The following PLA2G4B variants were observed in gnomAD, a reference collection of about 807,000 sequenced individuals.
PLA2G4B encodes the protein cytosolic phospholipase A2 beta.
Under a neutral mutation model 95.8 loss-of-function variants are expected in PLA2G4B, and 122 were observed. That is an observed-to-expected ratio of 1.27 (90% CI 1.10 to 1.48). PLA2G4B has a LOEUF of 1.48. Among genes scored for constraint, PLA2G4B ranks in the 40% most tolerant of loss-of-function variants. The pLI is 0.00. For missense variants in PLA2G4B, 1,158 were observed against 996.2 expected (o/e 1.16, Z -2.19); for synonymous variants, 518 against 421.5 (o/e 1.23, Z -2.80).
Position 41,847,773 on chromosome 15 carries a change from A to C in PLA2G4B, c.2259A>C (p.Thr753=), listed in dbSNP as rs1435816694. The C allele has an allele frequency of 6.2e-7, 1 of 1,609,802 alleles. No homozygotes were observed. The highest frequency in any genetic ancestry group is 8.5e-7 in the Non-Finnish European group (1 of 1,180,008). ...ACGTGGACAAGCTGCTGCACCTGACACATTACAATGTCTGCAACAACCAGG... is the reference window on the plus strand; with the variant it reads ...ACGTGGACAAGCTGCTGCACCTGACCCATTACAATGTCTGCAACAACCAGG... ...QEDVDKLLHL[T]HYNVCNNQEQ... Residue 753 remains threonine, a synonymous_variant, in exon 20 of 20, where the codon ACA becomes ACC. Coordinates refer to ENST00000458483, the MANE Select transcript of PLA2G4B (RefSeq NM_001114633.2).
At chr15:41,846,163 A>C in intron 16 of PLA2G4B, 40 bp from the exon 17 acceptor site, 1 of 1,598,532 alleles carries the variant, frequency 6.3e-7, no homozygotes, top group Non-Finnish European at 8.6e-7. Flanking sequence ...GTGGGGATAA[A>C]GGTGCAGGAG....
At position 41,847,645 on chromosome 15, in the gene PLA2G4B, A is replaced by C. The variant is rs2065592662; in HGVS notation, c.2135-4A>C. The C allele has an allele frequency of 6.2e-7, 1 of 1,613,370 alleles. No homozygotes were observed. Among genetic ancestry groups the C allele is most frequent in the Non-Finnish European group, 8.5e-7 (1 of 1,179,976 alleles). ...CCCCATGCCAGGCTGCACTCTCTCC[A>C]CAGGGGTCCGGCGGACACCCGAGGA... On this transcript the variant is annotated splice_region_variant and splice_polypyrimidine_tract_variant and intron_variant, in intron 19 of 19. Coordinates refer to ENST00000458483, the MANE Select transcript of PLA2G4B (RefSeq NM_001114633.2).
rs201231516 is a variant in PLA2G4B at position 41,846,154 on chromosome 15, T to G, written c.1601-49T>G. ...TCCCCCTCCAGGGTCACCACCAAGG[T>G]GGGGATAAAGGTGCAGGAGTCCCCA... On this transcript the variant is annotated intron_variant, in intron 16 of 19. Transcript: ENST00000458483. 86 of 1,596,210 alleles carry G rather than the reference T, an allele frequency of 5.4e-5. No individual in the cohort carries two copies. The African/African-American group carries it at 9.5e-4, about 18-fold the overall frequency.
chr15:41,846,884 C>A (rs765333512), intron 18 of PLA2G4B, 49 bp downstream of exon 18: 5 of 1,551,674 alleles, frequency 3.2e-6, no homozygotes, highest in South Asian at 1.2e-5. Context: ...TGGCCCCTGT[C>A]CCCTGAAGAG....
In PLA2G4B at chr15:41,841,969, C is replaced by A. The variant is rs371354511; in HGVS notation, c.621+20C>A. On this transcript the variant is annotated intron_variant, in intron 8 of 19. Coordinates refer to ENST00000458483, the MANE Select transcript of PLA2G4B (RefSeq NM_001114633.2). Reference sequence around the variant, plus strand: ...CTGCAGGTAGTGTGCCTCGCTCCCTCGAGGTGGGGCCCCCAGAACTTCCTC... The same window carrying A: ...CTGCAGGTAGTGTGCCTCGCTCCCTAGAGGTGGGGCCCCCAGAACTTCCTC... The A allele has an allele frequency of 6.2e-7, 1 of 1,603,016 alleles. No individual in the cohort carries two copies. Among genetic ancestry groups the A allele is most frequent in the East Asian group, 2.2e-5 (1 of 44,638 alleles).
At chr15:41,842,792 C>T (rs566759879) in intron 10 of PLA2G4B, 16 of 770,002 alleles carry the variant, frequency 2.1e-5, no homozygotes, top group Non-Finnish European at 2.9e-5. Context: ...GTCAGAGGGG[C>T]GAGTGACCGG....
Position 41,840,149 on chromosome 15 carries a change from C to T in PLA2G4B, c.10-9C>T. On this transcript the variant is annotated splice_polypyrimidine_tract_variant and intron_variant, in intron 1 of 19. Transcript: ENST00000458483. ...CCCGTAGCAGGTCTCCCCTCTCCCACCTCTGCAGGCAGAGGTGTCCAGGAC... is the reference window on the plus strand; with the variant it reads ...CCCGTAGCAGGTCTCCCCTCTCCCATCTCTGCAGGCAGAGGTGTCCAGGAC... 6.2e-7 allele frequency: 1 copy of T among 1,612,818 alleles called. No homozygotes were observed. The highest frequency in any genetic ancestry group is 1.7e-4 in the Middle Eastern group (1 of 6,060).
chr15:41,841,004 T>G (rs2065420465), intron 4 of PLA2G4B, 51 bp from the exon 5 acceptor site: 1 of 1,571,446 alleles, frequency 6.4e-7, no homozygotes, highest in Non-Finnish European at 8.7e-7. Flanking sequence ...CTCACTGACA[T>G]ATGTGCACTC....
chr15:41,844,799 C>A (rs750978664), intron 12 of PLA2G4B, 49 bp from the exon 13 acceptor site: 1 of 1,559,004 alleles, frequency 6.4e-7, no homozygotes, highest in East Asian at 2.3e-5. Context: ...GGGGTCTAGA[C>A]GGGGTCCTTC....
rs1176838148 is a variant in PLA2G4B, at chr15:41,843,812, G to C, written c.879+1G>C. ...GGACGGAGACCTGCAGGAGGATGAG[G>C]TTTGGGGGCTGGGCTGGATGGGGTG... On this transcript the variant is annotated splice_donor_variant, in intron 11 of 19. Transcript: ENST00000458483. LOFTEE classifies it high-confidence loss of function. The C allele has an allele frequency of 6.2e-7, 1 of 1,613,570 alleles. No homozygotes were observed. The highest frequency in any genetic ancestry group is 8.5e-7 in the Non-Finnish European group (1 of 1,179,780).
intron 11 of PLA2G4B, 100 bp from the exon 12 acceptor site, chr15:41,844,371 C>T (rs1213079254): frequency 1.9e-6 from 3 of 1,582,410 alleles, no homozygotes; most frequent in East Asian, 4.5e-5. Context: ...CAGGCCTTAG[C>T]TGTGGGCTGG....
At position 41,848,125 on chromosome 15, in the gene PLA2G4B, C is replaced by CATCA. The variant is rs2065616381; in HGVS notation, c.*266_*269dup. The CATCA allele has an allele frequency of 1.0e-5, 6 of 576,218 alleles. No homozygotes were observed. The highest frequency in any genetic ancestry group is 1.5e-5 in the Non-Finnish European group (5 of 323,126). 35.7% of individuals were successfully genotyped at this position (576,218 alleles called of 1,614,324 possible). ...CCTTGAGTAGTTGGAGCACTTGATA[C>CATCA]ATCACAGACTCATACAAATGTGAGG... is the stretch of plus-strand genomic sequence containing the variant. On this transcript the variant is annotated 3_prime_UTR_variant, in exon 20 of 20. Coordinates refer to ENST00000458483, the MANE Select transcript of PLA2G4B (RefSeq NM_001114633.2).
chr15:41,843,745 G>A lies in PLA2G4B; in HGVS notation c.813G>A (p.Arg271=). Residue 271 remains arginine, a synonymous_variant, in exon 11 of 20, where the codon AGG becomes AGA. Coordinates refer to ENST00000458483, the MANE Select transcript of PLA2G4B (RefSeq NM_001114633.2). ...AGGAGCAGGCCTTCCTGAGCAGGAG[G>A]AAGCAGGTGGTGGCCGCGGCCTTGA... The part of the protein sequence containing the change: ...CAEEQAFLSR[R]KQVVAAALRQ... 6.2e-7 allele frequency: 1 copy of A among 1,614,128 alleles called. No individual in the cohort carries two copies. Among genetic ancestry groups the A allele is most frequent in the Non-Finnish European group, 8.5e-7 (1 of 1,180,020 alleles).
intron 9 of PLA2G4B, 118 bp from the exon 10 acceptor site, chr15:41,842,436 C>T: frequency 1.9e-6 from 3 of 1,565,844 alleles, no homozygotes; most frequent in South Asian, 1.2e-5. Flanking sequence ...CTGCTTCAGG[C>T]CTGGCGCCTG....
Position 41,847,491 on chromosome 15 carries a change from T to C in PLA2G4B, c.2102T>C (p.Val701Ala). 6.2e-7 allele frequency: 1 copy of C among 1,609,930 alleles called. No homozygotes were observed. The highest frequency in any genetic ancestry group is 8.5e-7 in the Non-Finnish European group (1 of 1,177,236). Residue 701 changes from valine to alanine, a missense_variant, in exon 19 of 20, where the codon GTC becomes GCC. Physicochemically the swap from Val to Ala is moderately conservative, Grantham distance 64. Transcript: ENST00000458483. ...CCTGCGGTGCTGCACTTTCCTCTGG[T>C]CAGCGACTCCTTCCGGGAGTACTCG... is the stretch of plus-strand genomic sequence containing the variant. ...GAPAVLHFPL[V>A]SDSFREYSAP...
chr15:41,841,660 C>G, intron 7 of PLA2G4B, 89 bp downstream of exon 7: 1 of 1,593,112 alleles, frequency 6.3e-7, no homozygotes. Context: ...GGGGCCTGAG[C>G]TTTCCCCTTA....
rs367561529 is a variant in PLA2G4B, at chr15:41,842,184, C to T, written c.622-9C>T. On this transcript the variant is annotated splice_polypyrimidine_tract_variant and intron_variant, in intron 8 of 19. Coordinates refer to ENST00000458483, the MANE Select transcript of PLA2G4B (RefSeq NM_001114633.2). ...AGATTCTTAGGTCTGCATTCTTTGT[C>T]CCCTGCAGGATGCCCCCGAGGAGCA... The T allele has an allele frequency of 6.2e-5, 100 of 1,613,694 alleles. No homozygotes were observed. The highest frequency in any genetic ancestry group is 2.1e-4 in the South Asian group (19 of 91,062).
intron 9 of PLA2G4B, 51 bp downstream of exon 9, chr15:41,842,327 C>T (rs1200191678): frequency 6.2e-7 from 1 of 1,606,538 alleles, no homozygotes; most frequent in African/African-American, 1.3e-5. Flanking sequence ...GGCTGGGACC[C>T]AGGCCACAAA....
intron 1 of PLA2G4B, 147 bp from the exon 2 acceptor site, chr15:41,840,009 CCT>C: frequency 1.1e-6 from 1 of 874,988 alleles, no homozygotes; most frequent in South Asian, 1.9e-5. Context: ...TATCATGTCT[CCT>C]CTTGTTGATT....
Sources: gnomAD v4.1 joint callset for allele counts on GRCh38, gnomAD v4.1.1 for gene constraint, MANE v1.5 for transcripts, NCBI Gene and HGNC (gene_info 2026-07-23, HGNC 2026-07-21) for gene names.